Variants in BMP5 observed in about 807,000 individuals in gnomAD.
BMP5 encodes bone morphogenetic protein 5.
Under a neutral mutation model 46.6 loss-of-function variants are expected in BMP5, and 23 were observed. The ratio of observed to expected loss-of-function variants is 0.49; its 90% CI spans 0.35 to 0.70. The LOEUF is 0.70. BMP5 is among the 30% of genes least tolerant of loss of function. The pLI is 0.00. For synonymous variants in BMP5, 204 were observed against 191.9 expected (o/e 1.06, Z -0.52); for missense variants, 545 against 565.6 (o/e 0.96, Z 0.37).
intron 1 of BMP5, among the ~76,000 whole-genome samples, chr6:55,833,575 G>C (rs556257171): frequency 8.0e-4 from 121 of 152,194 alleles, no homozygotes; most frequent in African/African-American, 2.7e-3. Flanking sequence ...AGCTGACAAG[G>C]GTAATGGAAA....
At chr6:55,820,280 G>A (rs1315094450) in intron 1 of BMP5, among the ~76,000 whole-genome samples, 1 of 152,110 alleles carries the variant, frequency 6.6e-6, no homozygotes, top group East Asian at 1.9e-4. Flanking sequence ...TGAGTTGCAA[G>A]TATACAAGGA....
intron 1 of BMP5, among the ~76,000 whole-genome samples, chr6:55,832,751 G>A (rs371892433): frequency 6.6e-6 from 1 of 152,010 alleles, no homozygotes; most frequent in African/African-American, 2.4e-5. Flanking sequence ...TTTTTGCTCT[G>A]TCACAGTGTT....
chr6:55,760,362 G>T, intron 5 of BMP5, 95 bp downstream of exon 5: 1 of 1,065,626 alleles, frequency 9.4e-7, no homozygotes, highest in Admixed American at 1.8e-5. Context: ...AAATCATTGG[G>T]TATTATATTG....
chr6:55,873,198 A>G (rs572926536), intron 1 of BMP5, among the ~76,000 whole-genome samples: 43 of 152,094 alleles, frequency 2.8e-4, no homozygotes, highest in African/African-American at 9.9e-4. Flanking sequence ...ATTTGTTGAT[A>G]ATCTGACTTT....
intron 3 of BMP5, among the ~76,000 whole-genome samples, chr6:55,778,770 A>C (rs72868875): frequency 0.043 from 6,472 of 152,096 alleles, 191 homozygotes; most frequent in Non-Finnish European, 0.064. Context: ...TTATTATTCT[A>C]TTCATAAAGA....
intron 2 of BMP5, among the ~76,000 whole-genome samples, chr6:55,796,587 T>G (rs1775717529): frequency 6.6e-6 from 1 of 151,940 alleles, no homozygotes; most frequent in Non-Finnish European, 1.5e-5. Context: ...GCCATGCTGG[T>G]GCGCTGCACC....
At chr6:55,871,451 C>T (rs9370471) in intron 1 of BMP5, among the ~76,000 whole-genome samples, 7,801 of 151,752 alleles carry the variant, frequency 0.051, 365 homozygotes, top group South Asian at 0.23. Flanking sequence ...TCAAAATAAA[C>T]GAGTCACTAA....
intron 1 of BMP5, among the ~76,000 whole-genome samples, chr6:55,821,437 G>A (rs2127539148): frequency 6.6e-6 from 1 of 152,092 alleles, no homozygotes; most frequent in South Asian, 2.1e-4. Flanking sequence ...TCCTGCCATA[G>A]CCTCCCAAGT....
intron 1 of BMP5, among the ~76,000 whole-genome samples, chr6:55,829,556 G>T (rs1776614582): frequency 6.6e-6 from 1 of 151,586 alleles, no homozygotes; most frequent in South Asian, 2.1e-4. Flanking sequence ...GTGATAACTA[G>T]ACAGAATCCT....
intron 1 of BMP5, among the ~76,000 whole-genome samples, chr6:55,842,639 C>A (rs927044165): frequency 2.0e-5 from 3 of 147,840 alleles, no homozygotes; most frequent in African/African-American, 7.4e-5. Context: ...GCCGGCCCCT[C>A]AAAAAAAAAA....
chr6:55,790,105 C>G (rs1327395991), intron 3 of BMP5, among the ~76,000 whole-genome samples: 1 of 152,118 alleles, frequency 6.6e-6, no homozygotes, highest in Non-Finnish European at 1.5e-5. Context: ...TAATACACAT[C>G]ACTGACTTTC....
At chr6:55,847,583 C>G (rs1777128864) in intron 1 of BMP5, among the ~76,000 whole-genome samples, 1 of 151,810 alleles carries the variant, frequency 6.6e-6, no homozygotes, top group South Asian at 2.1e-4. Flanking sequence ...TGCTATTATT[C>G]ATTGACTTCA....
At position 55,760,466 on chromosome 6, in the gene BMP5, C is replaced by A; in HGVS notation, c.1095G>T (p.Leu365=). The change falls in exon 5 of 7, where the codon CTG becomes CTT. Residue 365 remains leucine, a synonymous_variant. Transcript: ENST00000370830. ...KHELYVSFRD[L]GWQDWIIAPE... ...GACTGAAAATTCCTACCTGCCATCC[C>A]AGATCCCGGAAGCTCACATAGAGTT... 6.2e-7 allele frequency: 1 copy of A among 1,613,030 alleles called. No individual in the cohort carries two copies.
At chr6:55,839,222 T>G (rs575888451) in intron 1 of BMP5, among the ~76,000 whole-genome samples, 2 of 152,230 alleles carry the variant, frequency 1.3e-5, no homozygotes, top group African/African-American at 2.4e-5. Context: ...AATATTCTAC[T>G]TATTTATTTT....
chr6:55,808,968 C>A (rs1167747976), intron 2 of BMP5, among the ~76,000 whole-genome samples: 6 of 152,192 alleles, frequency 3.9e-5, no homozygotes, highest in Non-Finnish European at 8.8e-5. Context: ...CTTCATGAAT[C>A]TAGGAACCAC....
intron 1 of BMP5, among the ~76,000 whole-genome samples, chr6:55,854,142 G>A (rs1313986457): frequency 5.9e-5 from 9 of 152,000 alleles, no homozygotes; most frequent in South Asian, 4.1e-4. Context: ...ATTTCTTTGT[G>A]TTTAAGACAT....
At chr6:55,828,712 T>C (rs1430064606) in intron 1 of BMP5, among the ~76,000 whole-genome samples, 1 of 151,704 alleles carries the variant, frequency 6.6e-6, no homozygotes, top group African/African-American at 2.4e-5. Context: ...AATAAAGAAG[T>C]TGACAAGTAT....
intron 1 of BMP5, 89 bp downstream of exon 1, chr6:55,874,287 A>T: frequency 6.4e-7 from 1 of 1,556,950 alleles, no homozygotes; most frequent in South Asian, 1.1e-5. Flanking sequence ...CTTTATATAA[A>T]CATGACCACC....
rs897602635 is a variant in BMP5 at position 55,846,350 on chromosome 6, T to G, written c.491-26503A>C. Among the ~76,000 whole-genome samples the G allele has an allele frequency of 2.0e-5, 3 of 151,982 alleles. No individual in the cohort carries two copies. In the South Asian group the frequency reaches 6.2e-4, roughly 31 times the overall value. The stretch of plus-strand genomic sequence containing the variant: ...AATTTTCATTTGGTTAATATTTTAT[T>G]TGGTGTTATTGAAGACACATGGTAG... On this transcript the variant is annotated intron_variant, in intron 1 of 6. Coordinates refer to ENST00000370830, the MANE Select transcript of BMP5 (RefSeq NM_021073.4).
Sources: allele counts gnomAD v4.1 joint callset (sites outside exome capture counted in the v4.1 genomes callset), GRCh38; gene constraint gnomAD v4.1.1; transcripts MANE v1.5; gene names NCBI Gene and HGNC (gene_info 2026-07-23, HGNC 2026-07-21).